The following PITPNM3 variants were observed in gnomAD, a reference collection of about 807,000 sequenced individuals.
PITPNM3 encodes the protein PITPNM family member 3, also known as membrane-associated phosphatidylinositol transfer protein 3.
PITPNM3 carries 26 observed loss-of-function variants against 102.0 expected under a neutral mutation model. That is an observed-to-expected ratio of 0.25 (90% CI 0.19 to 0.35). PITPNM3 has a LOEUF of 0.35. Ranked by LOEUF, PITPNM3 falls within the 10% of genes least tolerant of loss-of-function variation. The probability of loss-of-function intolerance (pLI) is 1.00; values close to 1 mark genes in which losing one functional copy is unlikely to be tolerated. For synonymous variants in PITPNM3, 578 were observed against 558.6 expected (o/e 1.03, Z -0.49); for missense variants, 1,083 against 1,346.1 (o/e 0.80, Z 3.06).
At chr17:6,506,690 G>A (rs933429757) in intron 3 of PITPNM3, among the ~76,000 whole-genome samples, 10 of 152,106 alleles carry the variant, frequency 6.6e-5, no homozygotes, top group African/African-American at 2.4e-5. Context: ...ATTTGCTACT[G>A]TATTTCCTCA....
At chr17:6,499,929 C>T (rs1429698554) in intron 4 of PITPNM3, among the ~76,000 whole-genome samples, 2 of 152,128 alleles carry the variant, frequency 1.3e-5, no homozygotes, top group African/African-American at 4.8e-5. Flanking sequence ...TGCGGCTTCA[C>T]CGTGTTCCCC....
At chr17:6,493,144 A>G (rs1254950348) in intron 4 of PITPNM3, among the ~76,000 whole-genome samples, 6 of 152,224 alleles carry the variant, frequency 3.9e-5, no homozygotes, top group African/African-American at 1.4e-4. Flanking sequence ...CAAAGGCTAC[A>G]AACAGCTTGA....
intron 11 of PITPNM3, among the ~76,000 whole-genome samples, 157 bp from the exon 12 acceptor site, chr17:6,471,512 G>T (rs1053849738): frequency 1.3e-5 from 2 of 152,188 alleles, no homozygotes; most frequent in Non-Finnish European, 2.9e-5. Context: ...CCCTCTCACT[G>T]TGCCCACCCC....
intron 2 of PITPNM3, among the ~76,000 whole-genome samples, chr17:6,527,079 C>T (rs1204405823): frequency 6.6e-6 from 1 of 151,422 alleles, no homozygotes; most frequent in African/African-American, 2.4e-5. Flanking sequence ...CCCTCCACCA[C>T]TGTGTCTGCT....
At chr17:6,482,372 G>A (rs1332202028) in intron 6 of PITPNM3, among the ~76,000 whole-genome samples, 2 of 152,162 alleles carry the variant, frequency 1.3e-5, no homozygotes, top group Non-Finnish European at 2.9e-5. Context: ...CTTCCGGAGA[G>A]CTGAACGCGT....
chr17:6,511,435 C>A (rs1053835775), intron 3 of PITPNM3, among the ~76,000 whole-genome samples: 2 of 152,118 alleles, frequency 1.3e-5, no homozygotes, highest in African/African-American at 4.8e-5. Context: ...CCTTAGCAGA[C>A]CAGAAACTGT....
intron 4 of PITPNM3, among the ~76,000 whole-genome samples, chr17:6,491,836 T>TATATATATATATATATATATAAAA (rs148932496): frequency 2.2e-4 from 31 of 139,286 alleles, no homozygotes; most frequent in Admixed American, 2.0e-3. Context: ...TATATATATA[T>TATATATATATATATATATATAAAA]AATAAAGAAT....
At position 6,477,017 on chromosome 17, in the gene PITPNM3, G is replaced by A. The variant is rs749372458; in HGVS notation, c.1085+12C>T. 1.9e-6 allele frequency: 3 copies of A among 1,613,790 alleles called. No homozygotes were observed. In the South Asian group the frequency reaches 3.3e-5, roughly 18 times the overall value. On this transcript the variant is annotated intron_variant, in intron 9 of 19. Coordinates refer to ENST00000262483, the MANE Select transcript of PITPNM3 (RefSeq NM_031220.4). ...GCCAAGGTCTTCTTGCTTCTGGACA[G>A]GGAGGGGCTACCTTGAGAGGAAGGC...
At chr17:6,493,721 T>C (rs1906633161) in intron 4 of PITPNM3, among the ~76,000 whole-genome samples, 1 of 152,230 alleles carries the variant, frequency 6.6e-6, no homozygotes, top group Non-Finnish European at 1.5e-5. Flanking sequence ...TAAGGTGATG[T>C]GTTCAAACCT....
At chr17:6,520,785 G>C (rs939293337) in intron 3 of PITPNM3, among the ~76,000 whole-genome samples, 16 of 152,182 alleles carry the variant, frequency 1.1e-4, no homozygotes, top group African/African-American at 3.9e-4. Context: ...ATCCATACAA[G>C]GGAAAGTTAC....
intron 8 of PITPNM3, among the ~76,000 whole-genome samples, chr17:6,477,509 C>T (rs562408714): frequency 6.6e-6 from 1 of 152,318 alleles, no homozygotes; most frequent in South Asian, 2.1e-4. Flanking sequence ...TCCCCTGCTA[C>T]TCTTGTAGAA....
chr17:6,524,595 G>A (rs11653008), intron 3 of PITPNM3, among the ~76,000 whole-genome samples: 48,712 of 151,962 alleles, frequency 0.32, 7,908 homozygotes, highest in Middle Eastern at 0.43. Flanking sequence ...GCCCTTCCTG[G>A]ATCCCCTCTC....
Position 6,470,209 on chromosome 17 carries a change from G to A in PITPNM3, c.1773+51C>T, listed in dbSNP as rs375012078. On this transcript the variant is annotated intron_variant, in intron 13 of 19. Coordinates refer to ENST00000262483, the MANE Select transcript of PITPNM3 (RefSeq NM_031220.4). The surrounding 1 kb of genome is among the most constrained non-coding windows in gnomAD (Gnocchi z 4.8). ...CCTCCTCTCCAGCTGGAGAAGGGGC[G>A]GTACCCCCTTGGGGTGGCTGTGGGC... The A allele has an allele frequency of 2.5e-4, 385 of 1,538,990 alleles. No individual in the cohort carries two copies. The highest frequency in any genetic ancestry group is 1.6e-3 in the Middle Eastern group (9 of 5,668).
chr17:6,484,593 C>G lies in PITPNM3; in HGVS notation c.275-301G>C, dbSNP rs1461268425. 2.6e-5 allele frequency among the ~76,000 whole-genome samples: 4 copies of G among 152,350 alleles called. No homozygotes were observed. In the East Asian group the frequency reaches 7.7e-4, roughly 29 times the overall value. On this transcript the variant is annotated intron_variant, in intron 4 of 19. Transcript: ENST00000262483. ...AGCCTGCGTTTCTTCACCAGGACAGCAGCAAGGGTGAGTACCACCTGAGGA... is the reference window on the plus strand; with the variant it reads ...AGCCTGCGTTTCTTCACCAGGACAGGAGCAAGGGTGAGTACCACCTGAGGA...
intron 1 of PITPNM3, among the ~76,000 whole-genome samples, chr17:6,552,595 C>T (rs929006533): frequency 8.5e-5 from 13 of 152,188 alleles, no homozygotes; most frequent in South Asian, 8.3e-4. Flanking sequence ...TGCATTCTTC[C>T]GCTCCAGCCA....
rs932677552 is a variant in PITPNM3, at chr17:6,472,413, C to T, written c.1429+244G>A. Among the ~76,000 whole-genome samples the T allele has an allele frequency of 2.0e-5, 3 of 152,236 alleles. No homozygotes were observed. The highest frequency in any genetic ancestry group is 2.4e-5 in the African/African-American group (1 of 41,458). ...CATCAGCTCTGAAAGCTCAAGTTTA[C>T]ACCAGCCCTGGCCACAGGAGTGTGT... On this transcript the variant is annotated intron_variant, in intron 11 of 19. Coordinates refer to ENST00000262483, the MANE Select transcript of PITPNM3 (RefSeq NM_031220.4). This position sits in a 1 kb window ranked among gnomAD's most constrained non-coding sequence, Gnocchi z 4.1.
chr17:6,511,988 G>A (rs1383619223), intron 3 of PITPNM3, among the ~76,000 whole-genome samples: 1 of 151,818 alleles, frequency 6.6e-6, no homozygotes, highest in Admixed American at 6.5e-5. Context: ...AGCACAGAAG[G>A]AACAGCAGGC....
chr17:6,508,822 GC>G (rs1907700663), intron 3 of PITPNM3, among the ~76,000 whole-genome samples: 1 of 152,160 alleles, frequency 6.6e-6, no homozygotes, highest in Non-Finnish European at 1.5e-5. Context: ...AGCCGGGCTT[GC>G]CTGCCCAGTC....
chr17:6,539,957 C>T (rs879928221), intron 1 of PITPNM3, among the ~76,000 whole-genome samples: 2 of 152,196 alleles, frequency 1.3e-5, no homozygotes, highest in South Asian at 2.1e-4. Context: ...ATCCATTTGG[C>T]TCCTGAGTTT....
Sources: gnomAD v4.1 joint callset for allele counts (sites outside exome capture counted in the v4.1 genomes callset) on GRCh38, gnomAD v4.1.1 for gene constraint, Gnocchi (gnomAD v3.1) non-coding constraint, MANE v1.5 for transcripts, NCBI Gene and HGNC (gene_info 2026-07-23, HGNC 2026-07-21) for gene names.